PPFIA4: variants seen among roughly 807,000 people sequenced by gnomAD.
The protein encoded by PPFIA4 is liprin-alpha-4.
In PPFIA4, 98 loss-of-function variants were observed where a neutral mutation model predicts 145.7. The ratio of observed to expected loss-of-function variants is 0.67; its 90% confidence interval spans 0.57 to 0.80. PPFIA4 has a LOEUF of 0.80. Ranked by LOEUF, PPFIA4 falls within the 30% of genes least tolerant of loss-of-function variation. The pLI is 0.00. For missense variants in PPFIA4, 1,457 were observed against 1,632.7 expected (o/e 0.89, Z 1.85); for synonymous variants, 628 against 649.6 (o/e 0.97, Z 0.51).
chr1:203,048,592 C>T lies in PPFIA4; in HGVS notation c.1234C>T (p.Arg412Trp), dbSNP rs1660255110. The change falls in exon 11 of 30, where the codon CGG (arginine) becomes TGG (tryptophan). Residue 412 changes from arginine to tryptophan, a missense_variant. By Grantham distance (101) the Arg-to-Trp change is moderately radical. Transcript: ENST00000295706. This position sits in a 1 kb window ranked among gnomAD's most constrained non-coding sequence, Gnocchi z 5.8. ...GCAGACGGCTGTGCAGGTGCGCCAG[C>T]GGGAAAAGATGAATGAGGACCACAA... is the stretch of plus-strand genomic sequence containing the variant. ...KNQELARVRQREKMNEDHNKR... is the reference protein window; with the variant it reads ...KNQELARVRQWEKMNEDHNKR... 29 of 1,584,726 alleles carry T rather than the reference C, an allele frequency of 1.8e-5. No homozygotes were observed. The highest frequency in any genetic ancestry group is 2.3e-5 in the Non-Finnish European group (27 of 1,166,752).
chr1:203,061,580 G>A (rs1661362086), intron 23 of PPFIA4, 72 bp from the exon 24 acceptor site: 5 of 1,462,536 alleles, frequency 3.4e-6, no homozygotes, highest in Admixed American at 4.6e-5. Context: ...TCCTTGATGG[G>A]GCCTAGGGTA....
chr1:203,064,111 C>A (rs1157810876), intron 25 of PPFIA4, 108 bp downstream of exon 25: 1 of 1,226,166 alleles, frequency 8.2e-7, no homozygotes, highest in East Asian at 2.4e-5. Context: ...GTGGTCTGTT[C>A]TGAGTGGCAA....
Position 203,059,252 on chromosome 1 carries a change from G to A in PPFIA4, c.2482G>A (p.Asp828Asn), listed in dbSNP as rs1305251903. The A allele has an allele frequency of 6.5e-7, 1 of 1,539,926 alleles. No homozygotes were observed. The highest frequency in any genetic ancestry group is 8.8e-7 in the Non-Finnish European group (1 of 1,130,090). Residue 828 changes from aspartate (D) to asparagine (N), a missense_variant, in exon 20 of 30, where the codon GAC (aspartate) becomes AAC (asparagine). Asp to Asn is a conservative substitution (Grantham distance 23). Around this residue, in one of 3 missense-constraint regions of PPFIA4, gnomAD observed 848 missense variants for 1,046.7 expected, o/e 0.81. Transcript: ENST00000295706. ...PAKLGTQAEK[D>N]RRLKKKHQLL... ...CAAGCTGGGGACCCAGGCAGAGAAG[G>A]ACCGGCGGCTAAAGAAGAAGTAAGA...
intron 25 of PPFIA4, chr1:203,067,312 G>C (rs1661792318): frequency 4.7e-6 from 1 of 213,040 alleles, no homozygotes; most frequent in South Asian, 7.6e-5. Context: ...GCCATTGTAA[G>C]GACTCCGAGT....
rs566820389 is a variant in PPFIA4, at chr1:203,059,256, G to A, written c.2486G>A (p.Arg829Gln). ...CTGGGGACCCAGGCAGAGAAGGACC[G>A]GCGGCTAAAGAAGAAGTAAGAGCCA... ...AKLGTQAEKD[R>Q]RLKKKHQLLE... Residue 829 changes from arginine to glutamine, a missense_variant, in exon 20 of 30, where the codon CGG becomes CAG. Coordinates refer to ENST00000295706, the MANE Select transcript of PPFIA4 (RefSeq NM_001304331.2). The A allele has an allele frequency of 4.0e-5, 62 of 1,534,122 alleles. No individual in the cohort carries two copies. The highest frequency in any genetic ancestry group is 4.7e-5 in the Non-Finnish European group (53 of 1,125,778).
Position 203,053,975 on chromosome 1 carries a change from T to C in PPFIA4, c.1829+14T>C. ...TGAGGAAATCAGGTTAGGGCAGGGC[T>C]GGAGGGCTTGGGAAGTGCATTGAAG... On this transcript the variant is annotated intron_variant, in intron 15 of 29. Coordinates refer to ENST00000295706, the MANE Select transcript of PPFIA4 (RefSeq NM_001304331.2). The C allele has an allele frequency of 6.4e-7, 1 of 1,555,380 alleles. No individual in the cohort carries two copies.
rs974332656 is a variant in PPFIA4, at chr1:203,048,638, T to C, written c.1280T>C (p.Val427Ala). ...EDHNKRLSDT[V>A]DRLLSESNER... is the part of the protein sequence containing the mutation. The stretch of plus-strand genomic sequence containing the variant: ...CACAACAAGCGGCTGTCGGACACAG[T>C]GGACCGGCTGCTCAGCGAGTCCAAC... Residue 427 changes from valine (V) to alanine (A), a missense_variant, in exon 11 of 30, where the codon GTG (valine) becomes GCG (alanine). Physicochemically the swap from Val to Ala is moderately conservative, Grantham distance 64. Coordinates refer to ENST00000295706, the MANE Select transcript of PPFIA4 (RefSeq NM_001304331.2). This position sits in a 1 kb window ranked among gnomAD's most constrained non-coding sequence, Gnocchi z 5.8. The C allele has an allele frequency of 1.2e-6, 2 of 1,603,952 alleles. No individual in the cohort carries two copies. The highest frequency in any genetic ancestry group is 2.2e-5 in the South Asian group (2 of 89,512).
chr1:203,060,696 G>A lies in PPFIA4; in HGVS notation c.2785-274G>A, dbSNP rs966689600. On this transcript the variant is annotated intron_variant, in intron 22 of 29. Transcript: ENST00000295706. The surrounding 1 kb of genome is among the most constrained non-coding windows in gnomAD (Gnocchi z 4.8). ...CGTCTCTGGGCAGTTTCCAGGATGG[G>A]CTTTCTGGGGTTTTATATGGTTGTC... Among the ~76,000 whole-genome samples, 1 of 152,184 alleles carries A rather than the reference G, an allele frequency of 6.6e-6. No homozygotes were observed. The highest frequency in any genetic ancestry group is 2.1e-4 in the South Asian group (1 of 4,830).
At chr1:203,052,441 C>T (rs988821651) in intron 14 of PPFIA4, among the ~76,000 whole-genome samples, 2 of 152,026 alleles carry the variant, frequency 1.3e-5, no homozygotes, top group Non-Finnish European at 2.9e-5. Flanking sequence ...CATGCTCTGT[C>T]CTGAATCCAG....
chr1:203,060,350 A>G lies in PPFIA4; in HGVS notation c.2717A>G (p.Lys906Arg). The change falls in exon 22 of 30, where the codon AAG (lysine) becomes AGG (arginine). Residue 906 changes from lysine to arginine, a missense_variant. This residue lies in a region of PPFIA4 where 848 missense variants were observed against 1,046.7 expected (regional missense o/e 0.81). Coordinates refer to ENST00000295706, the MANE Select transcript of PPFIA4 (RefSeq NM_001304331.2). This position sits in a 1 kb window ranked among gnomAD's most constrained non-coding sequence, Gnocchi z 4.8. ...IGISNALHRL[K>R]LRLAIQEMVS... ...ATCAGCAATGCCCTGCACCGGCTCA[A>G]GCTCCGCCTGGCCATTCAGGAGATG... 1 of 1,614,026 alleles carries G rather than the reference A, an allele frequency of 6.2e-7. No homozygotes were observed. The highest frequency in any genetic ancestry group is 1.3e-5 in the African/African-American group (1 of 75,052).
chr1:203,051,719 G>A, intron 13 of PPFIA4, 50 bp from the exon 14 acceptor site: 2 of 1,563,240 alleles, frequency 1.3e-6, no homozygotes, highest in Non-Finnish European at 1.7e-6. Flanking sequence ...TGTGAGCTGG[G>A]GGTCTCAGTC....
chr1:203,045,095 G>T (rs376453514), intron 6 of PPFIA4, among the ~76,000 whole-genome samples: 43 of 152,252 alleles, frequency 2.8e-4, no homozygotes, highest in Middle Eastern at 3.4e-3. Flanking sequence ...CCCCAGTCAC[G>T]CCCCTTTCTG....
Position 203,048,426 on chromosome 1 carries a change from T to A in PPFIA4, c.1224+116T>A. 6.9e-7 allele frequency: 1 copy of A among 1,451,618 alleles called. No homozygotes were observed. Among genetic ancestry groups the A allele is most frequent in the Admixed American group, 2.0e-5 (1 of 49,902 alleles). The allele number at this position is 1,451,618 out of a possible 1,614,324, so 89.9% of individuals were successfully genotyped here. A position where few individuals can be genotyped will look rare whatever the true frequency, so the allele number is the denominator to read the frequency against. On this transcript the variant is annotated intron_variant, in intron 10 of 29. Transcript: ENST00000295706. This position sits in a 1 kb window ranked among gnomAD's most constrained non-coding sequence, Gnocchi z 5.8. Reference sequence around the variant, plus strand: ...TGGCCAGGGACACAGCCACAGAGAGTGGGAGGAGGCTGGCAGGTGAAGGGG... The same window carrying A: ...TGGCCAGGGACACAGCCACAGAGAGAGGGAGGAGGCTGGCAGGTGAAGGGG...
chr1:203,069,342 CCT>C (rs1661965960), intron 27 of PPFIA4, among the ~76,000 whole-genome samples: 1 of 152,108 alleles, frequency 6.6e-6, no homozygotes, highest in Non-Finnish European at 1.5e-5. Flanking sequence ...TGAAAATGCC[CCT>C]GTCAGGCCCC....
chr1:203,034,724 A>G, intron 1 of PPFIA4: 1 of 456,608 alleles, frequency 2.2e-6, no homozygotes, highest in South Asian at 1.5e-5. Flanking sequence ...AGGCTGGAGG[A>G]GGAGGACAGG....
In PPFIA4 at chr1:203,034,758, C is replaced by T. The variant is rs141944814; in HGVS notation, c.-399-3852C>T. Reference sequence around the variant, plus strand: ...GGGAAGGCCGAGGGGAGCTGTCCTCCGGCTGCCATCACCCTGATGAGGGTG... The same window carrying T: ...GGGAAGGCCGAGGGGAGCTGTCCTCTGGCTGCCATCACCCTGATGAGGGTG... On this transcript the variant is annotated intron_variant, in intron 1 of 29. Transcript: ENST00000295706. 2.7e-4 allele frequency: 122 copies of T among 455,044 alleles called. 1 individual carries two copies. The highest frequency in any genetic ancestry group is 1.6e-3 in the African/African-American group (79 of 50,134). 28.2% of individuals were successfully genotyped at this position (455,044 alleles called of 1,614,324 possible). A position where few individuals can be genotyped will look rare whatever the true frequency, so the allele number is the denominator to read the frequency against.
chr1:203,068,653 C>G lies in PPFIA4; in HGVS notation c.3324+25C>G. 4 of 1,466,956 alleles carry G rather than the reference C, an allele frequency of 2.7e-6. No homozygotes were observed. The highest frequency in any genetic ancestry group is 3.6e-6 in the Non-Finnish European group (4 of 1,108,972). The allele number at this position is 1,466,956 out of a possible 1,614,324, so 90.9% of individuals were successfully genotyped here. ...GGTGGGCAGCCTTTTAATCAGTCAA[C>G]TTGAGTCTCTCCCTGTATCCCTCAC... On this transcript the variant is annotated intron_variant, in intron 27 of 29. Coordinates refer to ENST00000295706, the MANE Select transcript of PPFIA4 (RefSeq NM_001304331.2). The surrounding 1 kb of genome is among the most constrained non-coding windows in gnomAD (Gnocchi z 4.7).
At chr1:203,066,465 G>A (rs1246743732) in intron 25 of PPFIA4, among the ~76,000 whole-genome samples, 1 of 152,186 alleles carries the variant, frequency 6.6e-6, no homozygotes, top group African/African-American at 2.4e-5. Context: ...TCTAAAGATG[G>A]GAAAACTCAG....
chr1:203,056,165 G>A lies in PPFIA4; in HGVS notation c.2106+10G>A. Reference sequence around the variant, plus strand: ...TAGGAGGAAGCTGCTGGTGAGTGCTGCCTGATGGCCCAGGTACTAACGGGT... The same window carrying A: ...TAGGAGGAAGCTGCTGGTGAGTGCTACCTGATGGCCCAGGTACTAACGGGT... On this transcript the variant is annotated intron_variant, in intron 17 of 29. Coordinates refer to ENST00000295706, the MANE Select transcript of PPFIA4 (RefSeq NM_001304331.2). The A allele has an allele frequency of 1.9e-6, 3 of 1,613,920 alleles. No individual in the cohort carries two copies. Among genetic ancestry groups the A allele is most frequent in the Non-Finnish European group, 2.5e-6 (3 of 1,179,844 alleles).
Sources: gnomAD v4.1 joint callset for allele counts (sites outside exome capture counted in the v4.1 genomes callset) on GRCh38, gnomAD v4.1.1 for gene constraint, gnomAD v4.1.1 regional missense constraint, Gnocchi (gnomAD v3.1) non-coding constraint, MANE v1.5 for transcripts, NCBI Gene and HGNC (gene_info 2026-07-23, HGNC 2026-07-21) for gene names.